The following LIX1 variants were observed in gnomAD, a reference collection of about 807,000 sequenced individuals.
LIX1 encodes the protein limb and CNS expressed 1.
Under a neutral mutation model 33.4 loss-of-function variants are expected in LIX1, and 24 were observed. That is an observed-to-expected ratio of 0.72 (90% CI 0.52 to 1.01). The LOEUF is 1.01. Ranked by LOEUF, LIX1 falls within the 50% of genes least tolerant of loss-of-function variation. The pLI is 0.00. For synonymous variants in LIX1, 124 were observed against 124.0 expected (o/e 1.00, Z 0.00); for missense variants, 311 against 339.2 (o/e 0.92, Z 0.65).
intron 2 of LIX1, among the ~76,000 whole-genome samples, chr5:97,113,915 T>C (rs889255678): frequency 5.3e-5 from 8 of 152,228 alleles, no homozygotes; most frequent in African/African-American, 1.9e-4. Context: ...ACTGTGGGGA[T>C]AAATGGTACT....
chr5:97,131,062 C>T (rs1580245371), intron 1 of LIX1, among the ~76,000 whole-genome samples: 1 of 152,236 alleles, frequency 6.6e-6, no homozygotes, highest in East Asian at 1.9e-4. Context: ...TTTCATTTTC[C>T]CCTTCCTGAA....
intron 4 of LIX1, among the ~76,000 whole-genome samples, chr5:97,103,539 G>A (rs116768906): frequency 0.017 from 2,579 of 152,272 alleles, 54 homozygotes; most frequent in African/African-American, 0.058. Context: ...TGGCCAGCCC[G>A]CTGCAGAGTC....
intron 5 of LIX1, among the ~76,000 whole-genome samples, chr5:97,096,197 GA>G (rs1201809618): frequency 2.6e-5 from 4 of 152,176 alleles, no homozygotes; most frequent in Non-Finnish European, 5.9e-5. Flanking sequence ...AAATACACAG[GA>G]GGGGGTTCAC....
Position 97,094,905 on chromosome 5 carries a change from T to C in LIX1, c.692A>G (p.Gln231Arg). 5.6e-6 allele frequency: 9 copies of C among 1,614,182 alleles called. No individual in the cohort carries two copies. The highest frequency in any genetic ancestry group is 7.6e-6 in the Non-Finnish European group (9 of 1,180,020). The change falls in exon 6 of 6, where the codon CAG becomes CGG. Residue 231 changes from glutamine to arginine, a missense_variant. Transcript: ENST00000274382. ...TCCTGCTTTCCTGGCTTCCTCCAACTGCCTCAGGGCCATTCGTAGCTCTTG... is the reference window on the plus strand; with the variant it reads ...TCCTGCTTTCCTGGCTTCCTCCAACCGCCTCAGGGCCATTCGTAGCTCTTG... Reference protein sequence around the residue: ...VSQELRMALRQLEEARKAGQE... With the variant: ...VSQELRMALRRLEEARKAGQE...
chr5:97,142,565 G>A lies in LIX1; in HGVS notation c.12C>T (p.Thr4=), dbSNP rs183931015. MDR[T]LESLRHIIAQ... is the part of the protein sequence containing the mutation. The stretch of plus-strand genomic sequence containing the variant: ...CAATGATGTGTCTCAGAGATTCCAA[G>A]GTTCTGTCCATCTTGGGTCTGCCTG... The change falls in exon 1 of 6, where the codon ACC becomes ACT. Residue 4 remains threonine (T), a synonymous_variant. Transcript: ENST00000274382. 1 of 1,613,996 alleles carries A rather than the reference G, an allele frequency of 6.2e-7. No homozygotes were observed. The highest frequency in any genetic ancestry group is 1.3e-5 in the African/African-American group (1 of 75,054).
At chr5:97,122,088 C>T (rs1487975066) in intron 2 of LIX1, among the ~76,000 whole-genome samples, 1 of 152,128 alleles carries the variant, frequency 6.6e-6, no homozygotes, top group Non-Finnish European at 1.5e-5. Flanking sequence ...GCTTCTATAC[C>T]CACATTCAAA....
chr5:97,095,034 T>A lies in LIX1; in HGVS notation c.563A>T (p.Glu188Val), dbSNP rs1746301928. The stretch of plus-strand genomic sequence containing the variant: ...ATACTGAGAATAGTAGGAGATGACT[T>A]CCTGGGGGCCAAGAAACAAAGTCCA... ...ALRETKCSRQ[E>V]VISYYSQYSL... Residue 188 changes from glutamate to valine, a missense_variant and splice_region_variant, in exon 6 of 6, where the codon GAA (glutamate) becomes GTA (valine). Transcript: ENST00000274382. The A allele has an allele frequency of 6.2e-7, 1 of 1,611,778 alleles. No homozygotes were observed. The highest frequency in any genetic ancestry group is 8.5e-7 in the Non-Finnish European group (1 of 1,178,518).
rs1308251019 is a variant in LIX1 at position 97,093,967 on chromosome 5, A to C, written c.*781T>G. ...CAGTGGCAAAAAATAAGAACAAATT[A>C]GTTCAGGTTATCGATTTGCAAATTA... On this transcript the variant is annotated 3_prime_UTR_variant, in exon 6 of 6. Transcript: ENST00000274382. The C allele has an allele frequency of 6.6e-6, 1 of 152,392 alleles. No homozygotes were observed. Among genetic ancestry groups the C allele is most frequent in the Non-Finnish European group, 1.5e-5 (1 of 68,036 alleles). The allele number at this position is 152,392 out of a possible 1,614,324, so 9.4% of individuals were successfully genotyped here.
At chr5:97,114,842 A>C (rs1401146516) in intron 2 of LIX1, among the ~76,000 whole-genome samples, 3 of 152,220 alleles carry the variant, frequency 2.0e-5, no homozygotes, top group African/African-American at 7.2e-5. Flanking sequence ...ACAAATAAAA[A>C]GATTGGCGTT....
intron 2 of LIX1, among the ~76,000 whole-genome samples, chr5:97,118,627 G>A (rs73775677): frequency 0.011 from 1,685 of 152,170 alleles, 25 homozygotes; most frequent in African/African-American, 0.039. Context: ...TGCTTGTAAT[G>A]TTAGAAAATT....
At chr5:97,128,365 C>T (rs141141289) in intron 1 of LIX1, among the ~76,000 whole-genome samples, 6 of 152,228 alleles carry the variant, frequency 3.9e-5, no homozygotes, top group Admixed American at 1.3e-4. Context: ...GCATCTCTTC[C>T]TGATCATTTC....
chr5:97,126,859 T>C (rs796930978), intron 1 of LIX1, among the ~76,000 whole-genome samples: 2 of 152,202 alleles, frequency 1.3e-5, no homozygotes, highest in African/African-American at 4.8e-5. Flanking sequence ...AGGATGGTCT[T>C]GATCTCCTGA....
chr5:97,107,933 C>G (rs73775669), intron 2 of LIX1, among the ~76,000 whole-genome samples: 1,687 of 152,304 alleles, frequency 0.011, 25 homozygotes, highest in African/African-American at 0.039. Context: ...AACACAAATT[C>G]TAGAGTCAGA....
Position 97,096,784 on chromosome 5 carries a change from A to G in LIX1, c.561+26T>C, listed in dbSNP as rs777319500. The G allele has an allele frequency of 3.9e-6, 6 of 1,553,462 alleles. No individual in the cohort carries two copies. The South Asian group carries it at 5.6e-5, about 14-fold the overall frequency. On this transcript the variant is annotated intron_variant, in intron 5 of 5. Coordinates refer to ENST00000274382, the MANE Select transcript of LIX1 (RefSeq NM_153234.5). ...CACCTGCTGAGTTCATATAACACAG[A>G]CTTAGACTTGATTAGAAAATCTTAC... is the stretch of plus-strand genomic sequence containing the variant.
At chr5:97,109,434 TG>T (rs532831220) in intron 2 of LIX1, among the ~76,000 whole-genome samples, 33 of 152,186 alleles carry the variant, frequency 2.2e-4, no homozygotes, top group African/African-American at 7.5e-4. Flanking sequence ...TTGTATTTTT[TG>T]TAGAGACAGG....
chr5:97,110,490 G>A (rs892641021), intron 2 of LIX1, among the ~76,000 whole-genome samples: 1 of 152,100 alleles, frequency 6.6e-6, no homozygotes, highest in Admixed American at 6.6e-5. Flanking sequence ...CCAGGCTGGA[G>A]TGCAATGGCG....
intron 1 of LIX1, 63 bp from the exon 2 acceptor site, chr5:97,124,692 A>AT (rs1561501791): frequency 7.0e-7 from 1 of 1,424,828 alleles, no homozygotes; most frequent in Non-Finnish European, 9.6e-7. Flanking sequence ...CAAAACCAAA[A>AT]TTTTATTTGC....
chr5:97,131,659 G>T (rs564379777), intron 1 of LIX1, among the ~76,000 whole-genome samples: 1 of 152,136 alleles, frequency 6.6e-6, no homozygotes, highest in Non-Finnish European at 1.5e-5. Context: ...TAGCCTCCTT[G>T]GTATCCAGCA....
At chr5:97,103,017 A>G (rs1336585972) in intron 4 of LIX1, 2 of 445,528 alleles carry the variant, frequency 4.5e-6, no homozygotes, top group South Asian at 1.6e-5. Flanking sequence ...TATTATTCCT[A>G]TTTTATAGAT....
Sources: gnomAD v4.1 joint callset for allele counts (sites outside exome capture counted in the v4.1 genomes callset) on GRCh38, gnomAD v4.1.1 for gene constraint, MANE v1.5 for transcripts, NCBI Gene and HGNC (gene_info 2026-07-23, HGNC 2026-07-21) for gene names.